Variants in DOCK3 observed in about 807,000 individuals in gnomAD.
DOCK3 encodes dedicator of cytokinesis 3, also known as dedicator of cytokinesis protein 3.
In DOCK3, 60 loss-of-function variants were observed where a neutral mutation model predicts 265.6. The observed-to-expected ratio is 0.23, with a 90% CI of 0.18 to 0.28. The LOEUF (loss-of-function observed/expected upper bound fraction) is 0.28, where lower values mean the gene tolerates loss of function less well. Ranked by LOEUF, DOCK3 falls within the 10% of genes least tolerant of loss-of-function variation. The pLI is 1.00. For synonymous variants in DOCK3, 881 were observed against 938.0 expected (o/e 0.94, Z 1.11); for missense variants, 1,981 against 2,594.3 (o/e 0.76, Z 5.14).
intron 9 of DOCK3, among the ~76,000 whole-genome samples, chr3:51,135,759 G>C (rs944113751): frequency 3.9e-5 from 6 of 151,944 alleles, no homozygotes; most frequent in African/African-American, 1.4e-4. Context: ...TCACTCTGTT[G>C]CCTAGGCTGG....
chr3:51,122,520 A>C (rs1219950773), intron 9 of DOCK3, among the ~76,000 whole-genome samples: 1 of 152,158 alleles, frequency 6.6e-6, no homozygotes, highest in African/African-American at 2.4e-5. Flanking sequence ...TGAAATACAC[A>C]ATTGTTATAT....
At chr3:51,362,127 C>A (rs2110353250) in intron 48 of DOCK3, 130 bp downstream of exon 48, 2 of 1,215,392 alleles carry the variant, frequency 1.6e-6, no homozygotes, top group Non-Finnish European at 2.2e-6. Flanking sequence ...GAACACCCCT[C>A]ACCAGAGCTA....
chr3:50,810,538 G>A (rs183792135), intron 2 of DOCK3, among the ~76,000 whole-genome samples: 12 of 152,004 alleles, frequency 7.9e-5, no homozygotes, highest in East Asian at 3.9e-4. Flanking sequence ...GCGACACTCC[G>A]TCTGAAAAAA....
At position 51,160,432 on chromosome 3, in the gene DOCK3, T is replaced by C; in HGVS notation, c.890-123T>C. 4 of 1,273,806 alleles carry C rather than the reference T, an allele frequency of 3.1e-6. No homozygotes were observed. In the South Asian group the frequency reaches 6.6e-5, roughly 21 times the overall value. The allele number at this position is 1,273,806 out of a possible 1,614,324, so 78.9% of individuals were successfully genotyped here. A position where few individuals can be genotyped will look rare whatever the true frequency, so the allele number is the denominator to read the frequency against. ...CCTTGGATGACTCCCTTCAGCCCTG[T>C]AGTCTTCACCTTAGAGGATTTCCTA... On this transcript the variant is annotated intron_variant, in intron 11 of 52. Transcript: ENST00000266037.
At chr3:50,677,270 C>T (rs2034041521) in intron 1 of DOCK3, among the ~76,000 whole-genome samples, 1 of 152,218 alleles carries the variant, frequency 6.6e-6, no homozygotes, top group Non-Finnish European at 1.5e-5. Flanking sequence ...CTTCCACTGT[C>T]CCTTCCTTAG....
At chr3:50,989,513 T>G (rs909483866) in intron 5 of DOCK3, among the ~76,000 whole-genome samples, 1 of 152,194 alleles carries the variant, frequency 6.6e-6, no homozygotes, top group Non-Finnish European at 1.5e-5. Context: ...TGCCACCAAC[T>G]GGATTACATC....
In DOCK3 at chr3:50,880,816, C is replaced by T. The variant is rs532859957; in HGVS notation, c.163-9210C>T. Among the ~76,000 whole-genome samples, 56 of 152,186 alleles carry T rather than the reference C, an allele frequency of 3.7e-4. No homozygotes were observed. The South Asian group carries it at 0.011, about 30-fold the overall frequency. ...TCCTGATACCAAAGCCGGGCAGAGA[C>T]ACAACCAAAAAAGAGAATTTTAGAC... is the stretch of plus-strand genomic sequence containing the variant. On this transcript the variant is annotated intron_variant, in intron 3 of 52. Transcript: ENST00000266037.
At chr3:50,784,788 G>T (rs2042101445) in intron 2 of DOCK3, among the ~76,000 whole-genome samples, 1 of 152,176 alleles carries the variant, frequency 6.6e-6, no homozygotes, top group South Asian at 2.1e-4. Flanking sequence ...GTGTAAAAGG[G>T]GTTGAGTTCT....
intron 33 of DOCK3, among the ~76,000 whole-genome samples, chr3:51,331,039 A>G (rs2084484789): frequency 6.6e-6 from 1 of 152,150 alleles, no homozygotes; most frequent in African/African-American, 2.4e-5. Flanking sequence ...GGCATTTCTT[A>G]CCTTATTTGA....
chr3:51,347,610 T>G (rs1452862895), intron 38 of DOCK3, among the ~76,000 whole-genome samples: 1 of 152,358 alleles, frequency 6.6e-6, no homozygotes, highest in African/African-American at 2.4e-5. Context: ...TAGGATTGTC[T>G]TGGCAATGCA....
chr3:50,845,854 A>G (rs980713029), intron 3 of DOCK3, among the ~76,000 whole-genome samples: 1 of 152,244 alleles, frequency 6.6e-6, no homozygotes, highest in Non-Finnish European at 1.5e-5. Context: ...TTCTCTAAAA[A>G]TACTATAATG....
At chr3:50,704,355 G>A (rs2036250145) in intron 1 of DOCK3, among the ~76,000 whole-genome samples, 1 of 152,126 alleles carries the variant, frequency 6.6e-6, no homozygotes, top group Non-Finnish European at 1.5e-5. Context: ...GGTCTGTCCA[G>A]TGCTAAAAGT....
chr3:50,928,128 G>GATAT lies in DOCK3; in HGVS notation c.219-5829_219-5826dup, dbSNP rs35440218. ...TATTTTTGTGTGATTTTATTGTGATGATATATATATATATATATATATATA... is the reference window on the plus strand; with the variant it reads ...TATTTTTGTGTGATTTTATTGTGATGATATATATATATATATATATATATATATA... On this transcript the variant is annotated intron_variant, in intron 4 of 52. Coordinates refer to ENST00000266037, the MANE Select transcript of DOCK3 (RefSeq NM_004947.5). 3.6e-3 allele frequency among the ~76,000 whole-genome samples: 516 copies of GATAT among 142,896 alleles called. 2 individuals are homozygous for GATAT. Among genetic ancestry groups the GATAT allele is most frequent in the Middle Eastern group, 0.015 (4 of 272 alleles). 93.7% of individuals were successfully genotyped at this position (142,896 alleles called of 152,430 possible).
At chr3:51,244,925 C>G (rs182455630) in intron 21 of DOCK3, among the ~76,000 whole-genome samples, 26 of 151,836 alleles carry the variant, frequency 1.7e-4, no homozygotes, top group South Asian at 6.2e-4. Flanking sequence ...GAGAAACATT[C>G]GAATAGCTAA....
At chr3:50,704,528 A>G (rs1404718771) in intron 1 of DOCK3, among the ~76,000 whole-genome samples, 3 of 152,096 alleles carry the variant, frequency 2.0e-5, no homozygotes, top group Non-Finnish European at 2.9e-5. Context: ...CTTTGTTACT[A>G]TAATTACTCC....
chr3:50,856,816 G>A lies in DOCK3; in HGVS notation c.162+15101G>A, dbSNP rs565212083. Among the ~76,000 whole-genome samples, 133 of 152,164 alleles carry A rather than the reference G, an allele frequency of 8.7e-4. 4 individuals are homozygous for A. The South Asian group carries it at 0.027, about 31-fold the overall frequency. On this transcript the variant is annotated intron_variant, in intron 3 of 52. Transcript: ENST00000266037. ...TTGCCTACTATGATGTTGGCTGTGGGTTTGTCATCTATGGCTCTTATTATT... is the reference window on the plus strand; with the variant it reads ...TTGCCTACTATGATGTTGGCTGTGGATTTGTCATCTATGGCTCTTATTATT...
chr3:50,949,054 C>A (rs536415939), intron 5 of DOCK3, among the ~76,000 whole-genome samples: 1 of 152,196 alleles, frequency 6.6e-6, no homozygotes, highest in African/African-American at 2.4e-5. Flanking sequence ...AAAAAATGAA[C>A]CCTGTTCCTT....
chr3:50,908,199 T>C (rs1156681001), intron 4 of DOCK3, among the ~76,000 whole-genome samples: 23 of 122,464 alleles, frequency 1.9e-4, no homozygotes, highest in African/African-American at 5.7e-4. Flanking sequence ...TTGAAGGGCT[T>C]TTTTTTTTTT....
In DOCK3 at chr3:51,103,136, C is replaced by T. The variant is rs547372616; in HGVS notation, c.746+12752C>T. The stretch of plus-strand genomic sequence containing the variant: ...AAGTTTTGAACCTAAATATATAAAA[C>T]GATATCTTTTTCTTTCAAGGGGCTC... On this transcript the variant is annotated intron_variant, in intron 9 of 52. Transcript: ENST00000266037. 7.9e-5 allele frequency among the ~76,000 whole-genome samples: 12 copies of T among 152,200 alleles called. 1 individual carries two copies. Among genetic ancestry groups the T allele is most frequent in the East Asian group, 1.9e-4 (1 of 5,184 alleles).
Sources: allele counts gnomAD v4.1 joint callset (sites outside exome capture counted in the v4.1 genomes callset), GRCh38; gene constraint gnomAD v4.1.1; transcripts MANE v1.5; gene names NCBI Gene and HGNC (gene_info 2026-07-23, HGNC 2026-07-21).